RETREG3: variants seen among roughly 807,000 people sequenced by gnomAD.
RETREG3 encodes reticulophagy regulator 3.
Under a neutral mutation model 50.2 loss-of-function variants are expected in RETREG3, and 23 were observed. The ratio of observed to expected loss-of-function variants is 0.46; its 90% CI spans 0.33 to 0.65. The LOEUF is 0.65. Ranked by LOEUF, RETREG3 falls within the 30% of genes least tolerant of loss-of-function variation. The pLI, the probability that RETREG3 is intolerant of heterozygous loss-of-function variation, is 0.02. For synonymous variants in RETREG3, 240 were observed against 234.4 expected (o/e 1.02, Z -0.22); for missense variants, 546 against 598.0 (o/e 0.91, Z 0.91).
At chr17:42,585,714 T>A (rs1358434100) in intron 5 of RETREG3, among the ~76,000 whole-genome samples, 6 of 152,186 alleles carry the variant, frequency 3.9e-5, no homozygotes. Context: ...AAATAGAACC[T>A]AGCAGAGAAA....
intron 6 of RETREG3, among the ~76,000 whole-genome samples, chr17:42,584,038 C>A (rs1028361626): frequency 6.6e-6 from 1 of 152,142 alleles, no homozygotes; most frequent in African/African-American, 2.4e-5. Flanking sequence ...GAACTCCTGA[C>A]CTAAGGTGAT....
At chr17:42,587,954 A>G in intron 2 of RETREG3, 90 bp from the exon 3 acceptor site, 2 of 1,448,162 alleles carry the variant, frequency 1.4e-6, no homozygotes, top group Non-Finnish European at 1.9e-6. Flanking sequence ...TCAAGTTTTA[A>G]TAGGTTGGGG....
chr17:42,587,264 C>T (rs2093123222), intron 3 of RETREG3, among the ~76,000 whole-genome samples: 1 of 152,166 alleles, frequency 6.6e-6, no homozygotes, highest in Non-Finnish European at 1.5e-5. Flanking sequence ...ACCACTGCTG[C>T]TAAGGGGGAG....
At chr17:42,591,104 C>A (rs2093132237) in intron 2 of RETREG3, among the ~76,000 whole-genome samples, 2 of 152,246 alleles carry the variant, frequency 1.3e-5, no homozygotes, top group Admixed American at 1.3e-4. Context: ...TGCTTTGCAA[C>A]TTCTGGTTCC....
intron 7 of RETREG3, 134 bp from the exon 8 acceptor site, chr17:42,582,940 C>A: frequency 8.5e-7 from 1 of 1,177,430 alleles, no homozygotes; most frequent in Admixed American, 2.4e-5. Flanking sequence ...TAGATGGTAA[C>A]TTCCCGTTGA....
At chr17:42,592,186 A>G (rs2093134606) in intron 1 of RETREG3, 24 bp from the exon 2 acceptor site, 1 of 1,595,182 alleles carries the variant, frequency 6.3e-7, no homozygotes, top group Non-Finnish European at 8.6e-7. Flanking sequence ...AAAACAGAAG[A>G]AAGATCATTT....
chr17:42,583,229 A>G (rs866548687), intron 7 of RETREG3, among the ~76,000 whole-genome samples: 20 of 152,216 alleles, frequency 1.3e-4, no homozygotes, highest in Non-Finnish European at 1.2e-4. Context: ...TACTAGCTCC[A>G]GAAGTTCTTC....
rs2093136417 is a variant in RETREG3 at position 42,593,123 on chromosome 17, G to GCTT, written c.240-962_240-961insAAG. ...GCATTATCCTGATACCAAAGCCAAA[G>GCTT]ACACAATAAAACTGTAGACCAATAT... On this transcript the variant is annotated intron_variant, in intron 1 of 8. Coordinates refer to ENST00000309428, the MANE Select transcript of RETREG3 (RefSeq NM_178126.4). Among the ~76,000 whole-genome samples, 5 of 152,218 alleles carry GCTT rather than the reference G, an allele frequency of 3.3e-5. No homozygotes were observed. The South Asian group carries it at 1.0e-3, about 32-fold the overall frequency.
intron 7 of RETREG3, among the ~76,000 whole-genome samples, chr17:42,583,213 T>C (rs1024275394): frequency 6.6e-6 from 1 of 152,118 alleles, no homozygotes; most frequent in Non-Finnish European, 1.5e-5. Context: ...GTTTAAAAGA[T>C]GATCATACTA....
rs1567929549 is a variant in RETREG3, at chr17:42,609,364, CAA to C, written c.-42_-41del. On this transcript the variant is annotated 5_prime_UTR_variant, in exon 1 of 9. Transcript: ENST00000309428. ...CACAACATCCGGGGCCGTGGCCCGA[CAA>C]GTCACAATAACAGCAACTGCGCAGA... 2 of 1,566,546 alleles carry C rather than the reference CAA, an allele frequency of 1.3e-6. No homozygotes were observed. The highest frequency in any genetic ancestry group is 1.8e-5 in the Admixed American group (1 of 56,196).
rs1315172454 is a variant in RETREG3, at chr17:42,582,757, T to G, written c.860A>C (p.His287Pro). ...TGTACAGGAGACTTCAGCGTCTGAG[T>G]GCTCAGAGTCTGTGATGGCCAATTC... ...ARELAITDSE[H>P]SDAEVSCTDN... The change falls in exon 8 of 9, where the codon CAC becomes CCC. Residue 287 changes from histidine (H) to proline (P), a missense_variant. Physicochemically the swap from His to Pro is moderately conservative, Grantham distance 77. Coordinates refer to ENST00000309428, the MANE Select transcript of RETREG3 (RefSeq NM_178126.4). The G allele has an allele frequency of 6.2e-7, 1 of 1,614,202 alleles. No homozygotes were observed. The highest frequency in any genetic ancestry group is 1.7e-5 in the Admixed American group (1 of 60,024).
chr17:42,586,806 T>C lies in RETREG3; in HGVS notation c.463A>G (p.Ile155Val). 1.2e-6 allele frequency: 2 copies of C among 1,614,084 alleles called. No homozygotes were observed. Among genetic ancestry groups the C allele is most frequent in the Non-Finnish European group, 1.7e-6 (2 of 1,179,998 alleles). ...TTTTTGAAAAGCAAAACATTCCTTA[T>C]GAAAATGGTCCCACTAACCCAGACT... ...AEVWVSGTIFIRNVLLFKKQN... is the reference protein window; with the variant it reads ...AEVWVSGTIFVRNVLLFKKQN... Residue 155 changes from isoleucine (I) to valine (V), a missense_variant, in exon 4 of 9, where the codon ATA (isoleucine) becomes GTA (valine). Coordinates refer to ENST00000309428, the MANE Select transcript of RETREG3 (RefSeq NM_178126.4).
chr17:42,596,795 T>C (rs1370160969), intron 1 of RETREG3, among the ~76,000 whole-genome samples: 1 of 152,134 alleles, frequency 6.6e-6, no homozygotes, highest in Non-Finnish European at 1.5e-5. Context: ...ACATTAATAT[T>C]AATTACCTGG....
At chr17:42,590,827 CATG>C (rs2093131735) in intron 2 of RETREG3, among the ~76,000 whole-genome samples, 1 of 152,068 alleles carries the variant, frequency 6.6e-6, no homozygotes, top group Non-Finnish European at 1.5e-5. Flanking sequence ...ATTAGCCAGG[CATG>C]GTGGTGCGTG....
At chr17:42,596,212 A>C (rs941817463) in intron 1 of RETREG3, among the ~76,000 whole-genome samples, 1 of 151,664 alleles carries the variant, frequency 6.6e-6, no homozygotes, top group Non-Finnish European at 1.5e-5. Context: ...CTATTTAAAA[A>C]AAAAAAAAAA....
Position 42,580,376 on chromosome 17 carries a change from A to C in RETREG3, c.*1437T>G, listed in dbSNP as rs2143359649. ...AGTGCTACTGTATCATCCCCCATGA[A>C]TTATTGCTTCTCCAAAGGAGGAGCA... On this transcript the variant is annotated 3_prime_UTR_variant, in exon 9 of 9. Coordinates refer to ENST00000309428, the MANE Select transcript of RETREG3 (RefSeq NM_178126.4). 6.5e-6 allele frequency: 1 copy of C among 152,894 alleles called. No homozygotes were observed. The highest frequency in any genetic ancestry group is 1.5e-5 in the Non-Finnish European group (1 of 68,034). 9.5% of individuals were successfully genotyped at this position (152,894 alleles called of 1,614,324 possible).
chr17:42,593,459 T>C (rs992143493), intron 1 of RETREG3, among the ~76,000 whole-genome samples: 1 of 151,078 alleles, frequency 6.6e-6, no homozygotes, highest in African/African-American at 2.4e-5. Context: ...ACCATCCTGG[T>C]TAATATGGTG....
chr17:42,590,980 A>C (rs1057324828), intron 2 of RETREG3, among the ~76,000 whole-genome samples: 4 of 152,202 alleles, frequency 2.6e-5, no homozygotes, highest in African/African-American at 9.6e-5. Context: ...AGAAAAGAAA[A>C]GAAAAGAAAC....
At chr17:42,587,081 C>G in intron 3 of RETREG3, 190 bp from the exon 4 acceptor site, 1 of 710,960 alleles carries the variant, frequency 1.4e-6, no homozygotes, top group Non-Finnish European at 2.2e-6. Flanking sequence ...ACAAGGAGGA[C>G]AAACTTGTTC....
Sources: gnomAD v4.1 joint callset for allele counts (sites outside exome capture counted in the v4.1 genomes callset) on GRCh38, gnomAD v4.1.1 for gene constraint, MANE v1.5 for transcripts, NCBI Gene and HGNC (gene_info 2026-07-23, HGNC 2026-07-21) for gene names.